The following PRDM1 variants were observed in gnomAD, a reference collection of about 807,000 sequenced individuals.
PRDM1 encodes PR/SET domain 1, also known as PR domain zinc finger protein 1.
PRDM1 carries 13 observed loss-of-function variants against 62.8 expected under a neutral mutation model. The ratio of observed to expected loss-of-function variants is 0.21; its 90% confidence interval spans 0.13 to 0.33. The LOEUF is 0.33. Among genes scored for constraint, PRDM1 ranks in the 10% least tolerant of loss-of-function variants. The pLI is 1.00. For missense variants in PRDM1, 895 were observed against 1,058.8 expected, an observed-to-expected ratio of 0.85 and a Z score of 2.15; for synonymous variants, 396 against 417.6, an observed-to-expected ratio of 0.95 and a Z score of 0.63.
chr6:106,004,877 A>C (rs1289142140), intron 1 of PRDM1, among the ~76,000 whole-genome samples: 1 of 152,202 alleles, frequency 6.6e-6, no homozygotes, highest in Non-Finnish European at 1.5e-5. Flanking sequence ...TCAGTTTATC[A>C]AAAACAATTG....
upstream of PRDM1, among the ~76,000 whole-genome samples, chr6:106,085,419 T>C (rs970215511): frequency 2.0e-5 from 3 of 152,212 alleles, no homozygotes; most frequent in East Asian, 1.9e-4. Context: ...CACAAGACCA[T>C]TGAAGGAAGT....
chr6:105,996,199 T>G (rs1026328429), intron 1 of PRDM1, among the ~76,000 whole-genome samples: 1 of 152,190 alleles, frequency 6.6e-6, no homozygotes, highest in African/African-American at 2.4e-5. Context: ...CATCTAAATA[T>G]AGCTTTCAAA....
chr6:106,107,590 C>A lies in PRDM1; in HGVS notation c.*104C>A. 3 of 1,038,486 alleles carry A rather than the reference C, an allele frequency of 2.9e-6. No individual in the cohort carries two copies. The highest frequency in any genetic ancestry group is 4.1e-6 in the Non-Finnish European group (3 of 738,350). 64.3% of individuals were successfully genotyped at this position (1,038,486 alleles called of 1,614,324 possible). ...TAATCCCAGCTCTGCAAAGCTCTCT[C>A]GACAGCAAATGGTTTCCCCTCACCT... On this transcript the variant is annotated 3_prime_UTR_variant, in exon 7 of 7. Coordinates refer to ENST00000369096, the MANE Select transcript of PRDM1 (RefSeq NM_001198.4).
chr6:105,993,830 C>T (rs901518087), intron 1 of PRDM1, among the ~76,000 whole-genome samples: 1 of 152,120 alleles, frequency 6.6e-6, no homozygotes, highest in South Asian at 2.1e-4. Flanking sequence ...GATAGCTCTC[C>T]TCTGGCATTA....
At chr6:106,054,380 C>T (rs1295185596) in intron 1 of PRDM1, among the ~76,000 whole-genome samples, 3 of 152,030 alleles carry the variant, frequency 2.0e-5, no homozygotes, top group African/African-American at 7.3e-5. Context: ...AATCAGATTG[C>T]TACTTGTTCC....
At chr6:106,070,899 A>G (rs1353450504) in intron 1 of PRDM1, among the ~76,000 whole-genome samples, 1 of 152,232 alleles carries the variant, frequency 6.6e-6, no homozygotes, top group Non-Finnish European at 1.5e-5. Context: ...TCTGAAGGCA[A>G]TCTTCCAGAT....
At chr6:106,070,222 A>G (rs1225569562) in intron 1 of PRDM1, among the ~76,000 whole-genome samples, 1 of 152,206 alleles carries the variant, frequency 6.6e-6, no homozygotes, top group Non-Finnish European at 1.5e-5. Context: ...TAGAATTTGG[A>G]ATCAACATTT....
At chr6:106,051,374 C>T (rs1462485348) in intron 1 of PRDM1, among the ~76,000 whole-genome samples, 6 of 152,248 alleles carry the variant, frequency 3.9e-5, no homozygotes, top group Admixed American at 2.6e-4. Flanking sequence ...AAGGAGGCCT[C>T]TTCCCCAAAC....
chr6:106,086,487 C>T lies in PRDM1; in HGVS notation c.-67C>T, dbSNP rs573034154. The T allele has an allele frequency of 7.5e-6, 11 of 1,474,514 alleles. No homozygotes were observed. In the South Asian group the frequency reaches 1.1e-4, roughly 15 times the overall value. The allele number at this position is 1,474,514 out of a possible 1,614,324, so 91.3% of individuals were successfully genotyped here. On this transcript the variant is annotated 5_prime_UTR_variant, in exon 1 of 7. Coordinates refer to ENST00000369096, the MANE Select transcript of PRDM1 (RefSeq NM_001198.4). ...GGGACCGCCGAGGTGCGCGTCTGTG[C>T]GGCTCAGCCTGGCGGGGGACGCGGG...
chr6:106,083,128 C>G (rs1179389056), upstream of PRDM1, among the ~76,000 whole-genome samples: 1 of 151,132 alleles, frequency 6.6e-6, no homozygotes, highest in Non-Finnish European at 1.5e-5. Flanking sequence ...CTCAGTGCCC[C>G]TCTCTCAGGC....
intron 1 of PRDM1, among the ~76,000 whole-genome samples, chr6:105,996,796 A>C (rs563302335): frequency 6.6e-6 from 1 of 152,286 alleles, no homozygotes; most frequent in Non-Finnish European, 1.5e-5. Flanking sequence ...GATAGGGCTG[A>C]TGTTACATCT....
chr6:106,086,253 TGTTGGCCAC>T (rs1353019458), upstream of PRDM1: 52 of 396,718 alleles, frequency 1.3e-4, no homozygotes, highest in East Asian at 4.1e-4. Context: ...GGCCAGGTGG[TGTTGGCCAC>T]GTTGGCCACG....
intron 1 of PRDM1, among the ~76,000 whole-genome samples, chr6:106,013,288 A>T (rs1450585953): frequency 6.6e-6 from 1 of 151,280 alleles, no homozygotes; most frequent in Non-Finnish European, 1.5e-5. Flanking sequence ...AACTGAGCTT[A>T]TCCTCATTCA....
chr6:106,079,255 G>A (rs894374211), intron 1 of PRDM1, among the ~76,000 whole-genome samples: 7 of 151,938 alleles, frequency 4.6e-5, no homozygotes, highest in African/African-American at 4.8e-5. Context: ...GTGAGCCACC[G>A]CGCCTGGTCT....
rs1772317694 is a variant in PRDM1 at position 105,994,144 on chromosome 6, C to A, written c.-67+505C>A. 6.6e-6 allele frequency among the ~76,000 whole-genome samples: 1 copy of A among 151,192 alleles called. No homozygotes were observed. Among genetic ancestry groups the A allele is most frequent in the African/African-American group, 2.4e-5 (1 of 41,072 alleles). On this transcript the variant is annotated intron_variant, in intron 1 of 6. Coordinates refer to the PRDM1 transcript ENST00000652320. The surrounding 1 kb of genome is among the most constrained non-coding windows in gnomAD (Gnocchi z 4.1). Reference sequence around the variant, plus strand: ...ACGGTGGAGAGGGAGGCGAAGAGCCCGCGCTGCTGGGCTGGGCTCGGGTGC... The same window carrying A: ...ACGGTGGAGAGGGAGGCGAAGAGCCAGCGCTGCTGGGCTGGGCTCGGGTGC...
At chr6:106,093,290 TA>T (rs1306725308) in intron 2 of PRDM1, among the ~76,000 whole-genome samples, 1 of 152,180 alleles carries the variant, frequency 6.6e-6, no homozygotes. Flanking sequence ...GCCCATTCTG[TA>T]AAAGAATGGC....
At chr6:105,998,933 ATTTTTTT>A (rs754830624) in intron 1 of PRDM1, among the ~76,000 whole-genome samples, 15 of 6,400 alleles carry the variant, frequency 2.3e-3, no homozygotes, top group African/African-American at 0.012. Context: ...ATATATATAT[ATTTTTTT>A]TTTTTTTTTT....
At chr6:106,043,706 G>A (rs1468898945), upstream of PRDM1, among the ~76,000 whole-genome samples, 2 of 151,936 alleles carry the variant, frequency 1.3e-5, no homozygotes, top group Non-Finnish European at 2.9e-5. Flanking sequence ...AGCTAATTTT[G>A]TATTTTTAGT....
chr6:106,012,632 C>T (rs188260634), intron 1 of PRDM1, among the ~76,000 whole-genome samples: 3 of 152,214 alleles, frequency 2.0e-5, no homozygotes, highest in Admixed American at 2.0e-4. Context: ...TACATTACCC[C>T]CCTACACACT....
Sources: gnomAD v4.1 joint callset for allele counts (sites outside exome capture counted in the v4.1 genomes callset) on GRCh38, gnomAD v4.1.1 for gene constraint, Gnocchi (gnomAD v3.1) non-coding constraint, MANE v1.5 for transcripts, NCBI Gene and HGNC (gene_info 2026-07-23, HGNC 2026-07-21) for gene names.